The following TGFB3 variants were observed in gnomAD, a reference collection of about 807,000 sequenced individuals.
The protein encoded by TGFB3 is transforming growth factor beta 3.
Under a neutral mutation model 40.1 loss-of-function variants are expected in TGFB3, and 5 were observed. The observed-to-expected ratio is 0.12, with a 90% CI of 0.07 to 0.26. TGFB3 has a LOEUF of 0.26. Among genes scored for constraint, TGFB3 ranks in the 10% least tolerant of loss-of-function variants. The pLI is 1.00. For missense variants in TGFB3, 373 were observed against 530.1 expected, an observed-to-expected ratio of 0.70 and a Z score of 2.91; for synonymous variants, 184 against 205.6, an observed-to-expected ratio of 0.89 and a Z score of 0.90.
chr14:75,982,227 T>A (rs1031878760), upstream of TGFB3, among the ~76,000 whole-genome samples: 3 of 152,240 alleles, frequency 2.0e-5, no homozygotes, highest in Admixed American at 1.3e-4. The surrounding 1 kb of genome is among the most constrained non-coding windows in gnomAD (Gnocchi z 4.0). Flanking sequence ...ACACGTTGGC[T>A]GTTTTTCTGG....
In TGFB3 at chr14:75,963,317, G is replaced by A. The variant is rs1353668442; in HGVS notation, c.925C>T (p.Arg309Cys). ...KRALDTNYCF[R>C]NLEENCCVRP... Reference sequence around the variant, plus strand: ...GTTCCCATGTGGGCCCAGTCTCACCGGAAGCAGTAATTGGTGTCCAAAGCC... The same window carrying A: ...GTTCCCATGTGGGCCCAGTCTCACCAGAAGCAGTAATTGGTGTCCAAAGCC... The change falls in exon 5 of 7, where the codon CGC (arginine) becomes TGC (cysteine). Residue 309 changes from arginine (R) to cysteine (C), a missense_variant and splice_region_variant. Coordinates refer to ENST00000238682, the MANE Select transcript of TGFB3 (RefSeq NM_003239.5). The A allele has an allele frequency of 6.2e-6, 10 of 1,614,092 alleles. No individual in the cohort carries two copies. The highest frequency in any genetic ancestry group is 1.7e-4 in the Middle Eastern group (1 of 6,044).
rs906871648 is a variant in TGFB3 at position 75,980,147 on chromosome 14, G to A, written c.352+395C>T. ...AGATGAGGTCTCCACACTGAGAACC[G>A]TAAGGGCTCCTGACAGAGCCGGCCT... On this transcript the variant is annotated intron_variant, in intron 1 of 6. Transcript: ENST00000238682. This position sits in a 1 kb window ranked among gnomAD's most constrained non-coding sequence, Gnocchi z 4.3. 2.0e-5 allele frequency among the ~76,000 whole-genome samples: 3 copies of A among 152,330 alleles called. No individual in the cohort carries two copies. The highest frequency in any genetic ancestry group is 2.1e-4 in the South Asian group (1 of 4,820).
intron 5 of TGFB3, 28 bp downstream of exon 5, chr14:75,963,288 G>T (rs1595338986): frequency 1.2e-6 from 2 of 1,613,818 alleles, no homozygotes; most frequent in South Asian, 2.2e-5. Flanking sequence ...GGCAGTAGAT[G>T]TTGGTTCCCA....
rs1355659963 is a variant in TGFB3 at position 75,971,823 on chromosome 14, C to T, written c.353-105G>A. 2.2e-6 allele frequency: 3 copies of T among 1,340,862 alleles called. No homozygotes were observed. The East Asian group carries it at 7.1e-5, about 32-fold the overall frequency. The allele number at this position is 1,340,862 out of a possible 1,614,324, so 83.1% of individuals were successfully genotyped here. ...GTGGCCACCGTCCCGCCTGCCACCTCCCTAGAGGCTTGAGGCCTCAGACCG... is the reference window on the plus strand; with the variant it reads ...GTGGCCACCGTCCCGCCTGCCACCTTCCTAGAGGCTTGAGGCCTCAGACCG... On this transcript the variant is annotated intron_variant, in intron 1 of 6. Coordinates refer to ENST00000238682, the MANE Select transcript of TGFB3 (RefSeq NM_003239.5). The surrounding 1 kb of genome is among the most constrained non-coding windows in gnomAD (Gnocchi z 4.5).
At chr14:75,959,512 G>A (rs1262123869) in intron 6 of TGFB3, among the ~76,000 whole-genome samples, 167 bp from the exon 7 acceptor site, 1 of 152,172 alleles carries the variant, frequency 6.6e-6, no homozygotes, top group Non-Finnish European at 1.5e-5. Flanking sequence ...GCTCACAGCT[G>A]TAGTCCCAGG....
At chr14:75,960,568 C>G (rs182681686) in intron 6 of TGFB3, among the ~76,000 whole-genome samples, 139 of 152,302 alleles carry the variant, frequency 9.1e-4, no homozygotes, top group Non-Finnish European at 1.7e-3. Context: ...ATTCGAGAGG[C>G]TGGAATGATC....
chr14:75,965,806 G>C, intron 3 of TGFB3, 111 bp from the exon 4 acceptor site: 1 of 879,752 alleles, frequency 1.1e-6, no homozygotes, highest in Non-Finnish European at 1.9e-6. Context: ...GGACTCATAG[G>C]AACTGAGTTC....
chr14:75,973,264 G>T (rs1330650806), intron 1 of TGFB3, among the ~76,000 whole-genome samples: 2 of 152,236 alleles, frequency 1.3e-5, no homozygotes, highest in Non-Finnish European at 2.9e-5. Flanking sequence ...AGGCAGGAAG[G>T]ATCAGAGGCC....
rs747201702 is a variant in TGFB3 at position 75,971,282 on chromosome 14, C to T, written c.517-27G>A. On this transcript the variant is annotated intron_variant, in intron 2 of 6. Transcript: ENST00000238682. The surrounding 1 kb of genome is among the most constrained non-coding windows in gnomAD (Gnocchi z 4.5). ...TACAGGGCAGAGAAAGGAGTGAGTACCCGAGACCAGGACAGAGTGCCCCAG... is the reference window on the plus strand; with the variant it reads ...TACAGGGCAGAGAAAGGAGTGAGTATCCGAGACCAGGACAGAGTGCCCCAG... 6.8e-6 allele frequency: 11 copies of T among 1,613,786 alleles called. No individual in the cohort carries two copies. In the African/African-American group the frequency reaches 9.3e-5, roughly 14 times the overall value.
At chr14:75,965,514 G>A (rs3917189) in intron 4 of TGFB3, 74 bp downstream of exon 4, 4 of 1,264,016 alleles carry the variant, frequency 3.2e-6, no homozygotes, top group African/African-American at 1.5e-5. Flanking sequence ...GTCTGGTAAG[G>A]GTCTCCTGCA....
rs4252332 is a variant in TGFB3 at position 75,968,543 on chromosome 14, T to G, written c.646+2583A>C. 4.8e-3 allele frequency among the ~76,000 whole-genome samples: 737 copies of G among 152,298 alleles called. 5 individuals carry two copies. The highest frequency in any genetic ancestry group is 0.017 in the African/African-American group (715 of 41,558). Reference sequence around the variant, plus strand: ...AAGAACTCCTTCAAGTGCCCAGGGCTTCAAAGAAATCCAGGTGGAGCTGAT... The same window carrying G: ...AAGAACTCCTTCAAGTGCCCAGGGCGTCAAAGAAATCCAGGTGGAGCTGAT... On this transcript the variant is annotated intron_variant, in intron 3 of 6. Coordinates refer to ENST00000238682, the MANE Select transcript of TGFB3 (RefSeq NM_003239.5).
In TGFB3 at chr14:75,980,335, A is replaced by C. The variant is rs1390279395; in HGVS notation, c.352+207T>G. On this transcript the variant is annotated intron_variant, in intron 1 of 6. Coordinates refer to ENST00000238682, the MANE Select transcript of TGFB3 (RefSeq NM_003239.5). The surrounding 1 kb of genome is among the most constrained non-coding windows in gnomAD (Gnocchi z 4.3). ...AGCTCCAGGGCTCCTGGCCTCCCAG[A>C]AGCGCCGGCTCTTAACAGAATGGCT... Among the ~76,000 whole-genome samples, 1 of 152,176 alleles carries C rather than the reference A, an allele frequency of 6.6e-6. No homozygotes were observed. The highest frequency in any genetic ancestry group is 1.5e-5 in the Non-Finnish European group (1 of 68,012).
intron 1 of TGFB3, among the ~76,000 whole-genome samples, chr14:75,976,258 A>G (rs2140250047): frequency 6.6e-6 from 1 of 152,294 alleles, no homozygotes; most frequent in South Asian, 2.1e-4. Context: ...TTAAAAACAA[A>G]TGATTCCTGG....
rs1157954208 is a variant in TGFB3 at position 75,979,710 on chromosome 14, C to A, written c.352+832G>T. Among the ~76,000 whole-genome samples the A allele has an allele frequency of 2.0e-5, 3 of 147,936 alleles. No homozygotes were observed. Among genetic ancestry groups the A allele is most frequent in the Non-Finnish European group, 3.0e-5 (2 of 66,154 alleles). On this transcript the variant is annotated intron_variant, in intron 1 of 6. Transcript: ENST00000238682. This position sits in a 1 kb window ranked among gnomAD's most constrained non-coding sequence, Gnocchi z 4.8. ...TCCCAGACATATCCCCCCCCCCCAC[C>A]ATGCACCCACTGCCACCCCTCCACC...
chr14:75,959,145 A>AGTG lies in TGFB3; in HGVS notation c.*39_*41dup, dbSNP rs770530980. On this transcript the variant is annotated 3_prime_UTR_variant, in exon 7 of 7. Transcript: ENST00000238682. ...TTTCCCGAGGAGCGGGCAGTCAGGC[A>AGTG]GTGGTGGTTCTCTCTCCCCTCTCTC... 1 of 1,613,582 alleles carries AGTG rather than the reference A, an allele frequency of 6.2e-7. No individual in the cohort carries two copies. Among genetic ancestry groups the AGTG allele is most frequent in the East Asian group, 2.2e-5 (1 of 44,864 alleles).
intron 1 of TGFB3, among the ~76,000 whole-genome samples, chr14:75,972,619 G>A (rs778197625): frequency 2.0e-5 from 3 of 152,198 alleles, no homozygotes; most frequent in Non-Finnish European, 4.4e-5. Context: ...GTTACATGGA[G>A]TGACTGCTGG....
Position 75,980,684 on chromosome 14 carries a change from C to G in TGFB3, c.210G>C (p.Leu70=), listed in dbSNP as rs2140254337. Residue 70 remains leucine, a synonymous_variant, in exon 1 of 7, where the codon CTG becomes CTC. Coordinates refer to ENST00000238682, the MANE Select transcript of TGFB3 (RefSeq NM_003239.5). This position sits in a 1 kb window ranked among gnomAD's most constrained non-coding sequence, Gnocchi z 4.3. ...TVMTHVPYQV[L]ALYNSTRELL... ...GCTCCCGGGTGCTGTTGTAAAGGGC[C>G]AGGACCTGATAGGGGACGTGGGTCA... The G allele has an allele frequency of 3.1e-6, 5 of 1,614,220 alleles. No individual in the cohort carries two copies. Among genetic ancestry groups the G allele is most frequent in the Non-Finnish European group, 4.2e-6 (5 of 1,180,042 alleles).
In TGFB3 at chr14:75,968,577, GAC is replaced by G. The variant is rs147838682; in HGVS notation, c.646+2547_646+2548del. Reference sequence around the variant, plus strand: ...ATCCAGGTGGAGCTGATCAAAATCAGACAGGGAAGTTAAGAGATTAATTTCCC... The same window carrying G: ...ATCCAGGTGGAGCTGATCAAAATCAGAGGGAAGTTAAGAGATTAATTTCCC... On this transcript the variant is annotated intron_variant, in intron 3 of 6. Transcript: ENST00000238682. Among the ~76,000 whole-genome samples the G allele has an allele frequency of 2.1e-3, 321 of 152,300 alleles. 2 individuals are homozygous for G. Among genetic ancestry groups the G allele is most frequent in the African/African-American group, 7.1e-3 (297 of 41,576 alleles).
In TGFB3 at chr14:75,971,767, G is replaced by T; in HGVS notation, c.353-49C>A. On this transcript the variant is annotated intron_variant, in intron 1 of 6. Transcript: ENST00000238682. This position sits in a 1 kb window ranked among gnomAD's most constrained non-coding sequence, Gnocchi z 4.5. ...GGCACAGCATGAGCGAGACATGCAG[G>T]AACAGTGTGCTGCCAACGGACAGGC... 6.2e-7 allele frequency: 1 copy of T among 1,603,890 alleles called. No individual in the cohort carries two copies. The highest frequency in any genetic ancestry group is 1.1e-5 in the South Asian group (1 of 90,432).
Sources: gnomAD v4.1 joint callset for allele counts (sites outside exome capture counted in the v4.1 genomes callset) on GRCh38, gnomAD v4.1.1 for gene constraint, Gnocchi (gnomAD v3.1) non-coding constraint, MANE v1.5 for transcripts, NCBI Gene and HGNC (gene_info 2026-07-23, HGNC 2026-07-21) for gene names.